Variants in CHD9 observed in about 807,000 individuals in gnomAD.
CHD9 encodes the protein ATP-dependent chromatin remodeler CHD9.
A neutral mutation model predicts 316.1 loss-of-function variants in CHD9; 77 were observed. The ratio of observed to expected loss-of-function variants is 0.24; its 90% CI spans 0.20 to 0.29. CHD9 has a LOEUF of 0.29. CHD9 is among the 10% of genes least tolerant of loss of function. The pLI is 1.00. For synonymous variants in CHD9, 1,129 were observed against 1,158.3 expected, an observed-to-expected ratio of 0.97 and a Z score of 0.51; for missense variants, 2,763 against 3,438.1, an observed-to-expected ratio of 0.80 and a Z score of 4.91.
chr16:53,073,122 A>G (rs573592039), intron 1 of CHD9, among the ~76,000 whole-genome samples: 1 of 152,342 alleles, frequency 6.6e-6, no homozygotes, highest in East Asian at 1.9e-4. Flanking sequence ...TGTACCCGTT[A>G]AACACTAACT....
At chr16:53,268,644 A>G (rs2051924699) in intron 22 of CHD9, among the ~76,000 whole-genome samples, 1 of 152,234 alleles carries the variant, frequency 6.6e-6, no homozygotes, top group African/African-American at 2.4e-5. Context: ...CTGGGTCAGC[A>G]GCATCAGCAT....
Position 53,261,359 on chromosome 16 carries a change from C to CTT in CHD9, c.4210-1603_4210-1602dup, listed in dbSNP as rs1195811638. On this transcript the variant is annotated intron_variant, in intron 19 of 38. Coordinates refer to ENST00000447540, the MANE Select transcript of CHD9 (RefSeq NM_001308319.2). ...GCCTTTTAATTTTTGGTGTTTTAGA[C>CTT]TTTTTTTTTTTTTTTTTTTTTTTTT... Among the ~76,000 whole-genome samples the CTT allele has an allele frequency of 4.7e-3, 288 of 61,876 alleles. 31 individuals are homozygous for CTT. Among genetic ancestry groups the CTT allele is most frequent in the African/African-American group, 0.013 (208 of 15,482 alleles). The allele number at this position is 61,876 out of a possible 152,430, so 40.6% of individuals were successfully genotyped here.
At chr16:53,305,250 A>G (rs1419741069) in intron 31 of CHD9, among the ~76,000 whole-genome samples, 1 of 148,878 alleles carries the variant, frequency 6.7e-6, no homozygotes, top group South Asian at 2.2e-4. Flanking sequence ...TTGTAGAGAC[A>G]GGGTTTCACC....
intron 5 of CHD9, chr16:53,227,008 T>A (rs2047715423): frequency 4.7e-6 from 1 of 214,604 alleles, no homozygotes; most frequent in South Asian, 6.8e-5. Flanking sequence ...TAAGTCCCCC[T>A]TATATGCATT....
intron 24 of CHD9, among the ~76,000 whole-genome samples, chr16:53,280,245 G>A (rs1287971748): frequency 6.6e-6 from 1 of 152,246 alleles, no homozygotes; most frequent in South Asian, 2.1e-4. Context: ...AGCACAGTTT[G>A]CAATTGCAAA....
chr16:53,285,386 T>C (rs886993954), intron 24 of CHD9, among the ~76,000 whole-genome samples: 1 of 152,232 alleles, frequency 6.6e-6, no homozygotes, highest in African/African-American at 2.4e-5. Context: ...ATTTCTTCTC[T>C]TGAGCTTAAC....
At position 53,307,717 on chromosome 16, in the gene CHD9, C is replaced by A; in HGVS notation, c.6817C>A (p.Gln2273Lys). Residue 2273 changes from glutamine (Q) to lysine (K), a missense_variant, in exon 33 of 39, where the codon CAA becomes AAA. Coordinates refer to ENST00000447540, the MANE Select transcript of CHD9 (RefSeq NM_001308319.2). ...VMINRLDSIC[Q>K]TVLKGKWPSA... ...GATCAATAGGTTGGACAGTATTTGT[C>A]AAACAGTTCTGAAAGGAAAGTGGCC... 1 of 1,611,386 alleles carries A rather than the reference C, an allele frequency of 6.2e-7. No individual in the cohort carries two copies. Among genetic ancestry groups the A allele is most frequent in the South Asian group, 1.1e-5 (1 of 90,450 alleles).
chr16:53,092,195 C>T (rs2036002235), intron 1 of CHD9, among the ~76,000 whole-genome samples: 1 of 152,186 alleles, frequency 6.6e-6, no homozygotes, highest in African/African-American at 2.4e-5. Context: ...GTAAATCAGC[C>T]AAGCCCTGGA....
Position 53,222,677 on chromosome 16 carries a change from A to G in CHD9, c.1818A>G (p.Lys606=), listed in dbSNP as rs538376255. The change falls in exon 4 of 39, where the codon AAA becomes AAG. Residue 606 remains lysine (K), a synonymous_variant. Transcript: ENST00000447540. ...KLIITLGKKQ[K]RKNESSDEIS... ...TTATTACATTGGGTAAGAAACAAAA[A>G]AGAAAGAATGAGTCTTCAGATGAAA... 517 of 1,572,558 alleles carry G rather than the reference A, an allele frequency of 3.3e-4. No homozygotes were observed. Among genetic ancestry groups the G allele is most frequent in the Non-Finnish European group, 4.2e-4 (481 of 1,151,316 alleles).
chr16:53,201,292 C>T (rs1213760972), intron 2 of CHD9, among the ~76,000 whole-genome samples: 2 of 152,166 alleles, frequency 1.3e-5, no homozygotes, highest in African/African-American at 4.8e-5. Flanking sequence ...GTACTGCATA[C>T]TAATGTAAAA....
At chr16:53,084,424 A>G (rs1442922224) in intron 1 of CHD9, among the ~76,000 whole-genome samples, 1 of 152,156 alleles carries the variant, frequency 6.6e-6, no homozygotes, top group Non-Finnish European at 1.5e-5. Flanking sequence ...TAAGGACCCA[A>G]CTGGCAGCAG....
At chr16:53,134,796 A>C (rs1433049537) in intron 1 of CHD9, among the ~76,000 whole-genome samples, 1 of 152,208 alleles carries the variant, frequency 6.6e-6, no homozygotes, top group Non-Finnish European at 1.5e-5. Context: ...AAAGTCATTC[A>C]CATCCATTTA....
At position 53,150,861 on chromosome 16, in the gene CHD9, T is replaced by G. The variant is rs150289108; in HGVS notation, c.-164-5065T>G. Among the ~76,000 whole-genome samples, 52 of 152,350 alleles carry G rather than the reference T, an allele frequency of 3.4e-4. No homozygotes were observed. In the East Asian group the frequency reaches 9.6e-3, roughly 28 times the overall value. On this transcript the variant is annotated intron_variant, in intron 1 of 38. Coordinates refer to ENST00000447540, the MANE Select transcript of CHD9 (RefSeq NM_001308319.2). ...CACTTGTATCTTGTTGAGGCCCTTG[T>G]GTACTTGATGAGTCTTTTTTCTCTT... is the stretch of plus-strand genomic sequence containing the variant.
chr16:53,194,455 T>C (rs2044729175), intron 2 of CHD9, among the ~76,000 whole-genome samples: 1 of 151,818 alleles, frequency 6.6e-6, no homozygotes, highest in African/African-American at 2.4e-5. Context: ...AGGCCTGTAG[T>C]CTCAGCTACT....
chr16:53,326,511 A>G lies in CHD9; in HGVS notation c.*1616A>G, dbSNP rs961699544. 4 of 152,450 alleles carry G rather than the reference A, an allele frequency of 2.6e-5. No individual in the cohort carries two copies. Among genetic ancestry groups the G allele is most frequent in the African/African-American group, 9.7e-5 (4 of 41,438 alleles). The allele number at this position is 152,450 out of a possible 1,614,324, so 9.4% of individuals were successfully genotyped here. ...TGTAAAATAACCCCTTATTAGAGAGACAGTGTTATATGTATTTACAAAATT... is the reference window on the plus strand; with the variant it reads ...TGTAAAATAACCCCTTATTAGAGAGGCAGTGTTATATGTATTTACAAAATT... On this transcript the variant is annotated 3_prime_UTR_variant, in exon 39 of 39. Coordinates refer to ENST00000447540, the MANE Select transcript of CHD9 (RefSeq NM_001308319.2).
intron 36 of CHD9, among the ~76,000 whole-genome samples, chr16:53,316,257 C>T (rs1452446911): frequency 2.0e-5 from 3 of 152,182 alleles, no homozygotes; most frequent in Admixed American, 1.3e-4. Flanking sequence ...GAGTTGAACA[C>T]TGTAACTTCC....
In CHD9 at chr16:53,268,047, T is replaced by A; in HGVS notation, c.4638T>A (p.Asp1546Glu). Residue 1546 changes from aspartate to glutamate, a missense_variant, in exon 22 of 39, where the codon GAT (aspartate) becomes GAA (glutamate). Physicochemically the swap from Asp to Glu is conservative, Grantham distance 45. Transcript: ENST00000447540. ...ATTGCCTTGTTCACTACCGAGGAGA[T>A]GAGAAGATTAAAGGTTTCATATGGG... ...LAYCLVHYRG[D>E]EKIKGFIWDL... The A allele has an allele frequency of 6.2e-7, 1 of 1,613,478 alleles. No individual in the cohort carries two copies. Among genetic ancestry groups the A allele is most frequent in the South Asian group, 1.1e-5 (1 of 91,074 alleles).
rs187683804 is a variant in CHD9 at position 53,320,839 on chromosome 16, G to A, written c.7714-687G>A. ...ATATACAATTTTATACTTTTAGGGT[G>A]TCAATATATATAATCGATAACAGTA... On this transcript the variant is annotated intron_variant, in intron 37 of 38. Transcript: ENST00000447540. Among the ~76,000 whole-genome samples, 9 of 152,148 alleles carry A rather than the reference G, an allele frequency of 5.9e-5. 1 individual carries two copies. The highest frequency in any genetic ancestry group is 2.6e-4 in the Admixed American group (4 of 15,286).
At chr16:53,295,234 C>G (rs1018234774) in intron 29 of CHD9, among the ~76,000 whole-genome samples, 4 of 152,204 alleles carry the variant, frequency 2.6e-5, no homozygotes, top group Admixed American at 2.6e-4. Context: ...TCAAGCAATT[C>G]TCCTGCCTTG....
Sources: gnomAD v4.1 joint callset for allele counts (sites outside exome capture counted in the v4.1 genomes callset) on GRCh38, gnomAD v4.1.1 for gene constraint, MANE v1.5 for transcripts, NCBI Gene and HGNC (gene_info 2026-07-23, HGNC 2026-07-21) for gene names.